The following DAB1 variants were observed in gnomAD, a reference collection of about 807,000 sequenced individuals.
The protein encoded by DAB1 is disabled homolog 1.
In DAB1, 15 loss-of-function variants were observed where a neutral mutation model predicts 64.6. The observed-to-expected ratio is 0.23, with a 90% CI of 0.16 to 0.36. The LOEUF is 0.36. Ranked by LOEUF, DAB1 falls within the 10% of genes least tolerant of loss-of-function variation. The pLI is 1.00. For missense variants in DAB1, 596 were observed against 706.7 expected, an observed-to-expected ratio of 0.84 and a Z score of 1.78; for synonymous variants, 235 against 251.9, an observed-to-expected ratio of 0.93 and a Z score of 0.64.
chr1:57,853,061 TATA>T (rs1653603889), intron 1 of DAB1, among the ~76,000 whole-genome samples: 1 of 152,192 alleles, frequency 6.6e-6, no homozygotes, highest in Admixed American at 6.5e-5. Context: ...TATAATTAAT[TATA>T]ATGTTTTTGT....
At chr1:57,235,599 T>C (rs2100450894) in intron 2 of DAB1, among the ~76,000 whole-genome samples, 1 of 152,134 alleles carries the variant, frequency 6.6e-6, no homozygotes, top group Non-Finnish European at 1.5e-5. Context: ...TACAGATAAC[T>C]TAAGGTTCAA....
chr1:58,126,817 C>T (rs1193045383), intron 5 of DAB1, among the ~76,000 whole-genome samples: 1 of 150,882 alleles, frequency 6.6e-6, no homozygotes, highest in Non-Finnish European at 1.5e-5. Context: ...CATAGTATTC[C>T]ATGGTGTATA....
intron 7 of DAB1, among the ~76,000 whole-genome samples, chr1:57,610,102 T>G (rs540099746): frequency 6.6e-6 from 1 of 152,316 alleles, no homozygotes; most frequent in Non-Finnish European, 1.5e-5. Context: ...ACTGTGTTGC[T>G]GTTGATCTGT....
chr1:58,315,978 G>A (rs756061784), intron 4 of DAB1, among the ~76,000 whole-genome samples: 59 of 152,128 alleles, frequency 3.9e-4, no homozygotes, highest in Non-Finnish European at 6.8e-4. Flanking sequence ...GCACTAAATC[G>A]TCCCCAAAGA....
intron 2 of DAB1, among the ~76,000 whole-genome samples, chr1:58,518,949 T>TCATAATCA (rs1646216818): frequency 6.6e-6 from 1 of 152,170 alleles, no homozygotes; most frequent in Non-Finnish European, 1.5e-5. Flanking sequence ...AATAACTTGA[T>TCATAATCA]CATAATCACA....
intron 2 of DAB1, among the ~76,000 whole-genome samples, chr1:57,249,713 A>G (rs1286213199): frequency 6.6e-6 from 1 of 152,166 alleles, no homozygotes; most frequent in African/African-American, 2.4e-5. Context: ...GGAACACGCC[A>G]TGACTTGTTC....
intron 7 of DAB1, among the ~76,000 whole-genome samples, chr1:57,621,273 T>TGTGTGCGTGTGC (rs57872771): frequency 1.3e-5 from 2 of 148,834 alleles, no homozygotes; most frequent in South Asian, 2.2e-4. Context: ...TGTGTGTGTG[T>TGTGTGCGTGTGC]GTGTGCGTGT....
At chr1:57,406,349 CA>C (rs1402074499) in intron 1 of DAB1, among the ~76,000 whole-genome samples, 2 of 152,198 alleles carry the variant, frequency 1.3e-5, no homozygotes, top group Non-Finnish European at 2.9e-5. Flanking sequence ...TTTACTTCGA[CA>C]AATATCTCTT....
chr1:58,470,889 A>G (rs1645350308), intron 3 of DAB1, among the ~76,000 whole-genome samples: 1 of 152,164 alleles, frequency 6.6e-6, no homozygotes, highest in Admixed American at 6.5e-5. Context: ...CCTGGAATGT[A>G]ATTCCCCTGG....
chr1:58,227,696 G>C (rs1037621223), intron 4 of DAB1, among the ~76,000 whole-genome samples: 1 of 152,174 alleles, frequency 6.6e-6, no homozygotes, highest in Non-Finnish European at 1.5e-5. Flanking sequence ...CAGGAAGGCA[G>C]GGAGAAGTAG....
At chr1:57,775,593 G>A (rs1329755853) in intron 6 of DAB1, among the ~76,000 whole-genome samples, 1 of 151,544 alleles carries the variant, frequency 6.6e-6, no homozygotes, top group African/African-American at 2.4e-5. Flanking sequence ...TTGTGATAGA[G>A]AACAGAGAAC....
chr1:57,189,909 C>T (rs550421802), intron 2 of DAB1, among the ~76,000 whole-genome samples: 2 of 151,430 alleles, frequency 1.3e-5, no homozygotes, highest in Admixed American at 1.3e-4. Context: ...AGAGCTCCTG[C>T]AGAATACCTG....
chr1:57,596,138 A>G (rs1266029448), intron 7 of DAB1, among the ~76,000 whole-genome samples: 1 of 152,186 alleles, frequency 6.6e-6, no homozygotes, highest in African/African-American at 2.4e-5. Flanking sequence ...ACTGGGAGGC[A>G]TAGACCCTCT....
intron 7 of DAB1, among the ~76,000 whole-genome samples, chr1:57,535,902 G>T (rs1215034526): frequency 1.3e-5 from 2 of 152,152 alleles, no homozygotes; most frequent in Admixed American, 1.3e-4. Context: ...TAAAACTGAT[G>T]AAAATGGGTA....
intron 6 of DAB1, among the ~76,000 whole-genome samples, chr1:57,702,282 TTC>T (rs1441756042): frequency 6.6e-6 from 1 of 152,166 alleles, no homozygotes; most frequent in Non-Finnish European, 1.5e-5. Flanking sequence ...TGCTGAGTAT[TTC>T]TTTTTTATTT....
chr1:57,482,419 G>T (rs1644033263), intron 7 of DAB1, among the ~76,000 whole-genome samples: 1 of 137,956 alleles, frequency 7.2e-6, no homozygotes, highest in East Asian at 2.2e-4. Flanking sequence ...CTTTTCTAAT[G>T]AGACAGGCTG....
At chr1:57,449,571 G>T (rs578096334) in intron 7 of DAB1, among the ~76,000 whole-genome samples, 1 of 152,002 alleles carries the variant, frequency 6.6e-6, no homozygotes, top group East Asian at 1.9e-4. Context: ...TAGAGATGGG[G>T]TCTTGTTATG....
In DAB1 at chr1:57,870,540, C is replaced by T. The variant is rs1643928021; in HGVS notation, n.87+13459G>A. On this transcript the variant is annotated intron_variant and non_coding_transcript_variant, in intron 1 of 1. Coordinates refer to the DAB1 transcript ENST00000477280. ...ACTTAACCTCTCTGAGCTTAGTTTT[C>T]TCATCTGCAATATGGGCAGGAGTAA... Among the ~76,000 whole-genome samples, 11 of 152,254 alleles carry T rather than the reference C, an allele frequency of 7.2e-5. No homozygotes were observed. In the South Asian group the frequency reaches 2.3e-3, roughly 32 times the overall value.
chr1:58,182,119 G>T (rs147726455), intron 4 of DAB1, among the ~76,000 whole-genome samples: 1 of 152,006 alleles, frequency 6.6e-6, no homozygotes, highest in East Asian at 1.9e-4. Flanking sequence ...CTGCCTTCCG[G>T]CCTCTATTTC....
Sources: gnomAD v4.1 joint callset for allele counts (sites outside exome capture counted in the v4.1 genomes callset) on GRCh38, gnomAD v4.1.1 for gene constraint, MANE v1.5 for transcripts, NCBI Gene and HGNC (gene_info 2026-07-23, HGNC 2026-07-21) for gene names.